The following GUSB variants were observed in gnomAD, a reference collection of about 807,000 sequenced individuals.
GUSB encodes beta-glucuronidase.
In GUSB, 51 loss-of-function variants were observed where a neutral mutation model predicts 74.6. The ratio of observed to expected loss-of-function variants is 0.68; its 90% confidence interval spans 0.55 to 0.86. The LOEUF (loss-of-function observed/expected upper bound fraction) is 0.86, where lower values mean the gene tolerates loss of function less well. GUSB is among the 40% of genes least tolerant of loss of function. The pLI is 0.00. For missense variants in GUSB, 736 were observed against 853.7 expected (o/e 0.86, Z 1.72); for synonymous variants, 360 against 348.3 (o/e 1.03, Z -0.37).
rs375342296 is a variant in GUSB at position 65,963,176 on chromosome 7, G to A, written c.1789+1147C>T. 6.7e-4 allele frequency among the ~76,000 whole-genome samples: 102 copies of A among 152,088 alleles called. 1 individual carries two copies. The highest frequency in any genetic ancestry group is 2.3e-3 in the African/African-American group (96 of 41,512). ...CCCAGCCTGCAGCTCATTTCTTACC[G>A]CATAAAGCCTCGCACCTCTCCACAA... On this transcript the variant is annotated intron_variant, in intron 11 of 11. Coordinates refer to ENST00000304895, the MANE Select transcript of GUSB (RefSeq NM_000181.4).
intron 4 of GUSB, 80 bp downstream of exon 4, chr7:65,979,319 T>C (rs1791818882): frequency 1.4e-6 from 2 of 1,398,098 alleles, no homozygotes; most frequent in Admixed American, 1.7e-5. Flanking sequence ...GAGCACCTTT[T>C]TCCTGGGAGA....
chr7:65,970,518 G>A (rs565355983), intron 8 of GUSB, 152 bp from the exon 9 acceptor site: 49 of 622,838 alleles, frequency 7.9e-5, no homozygotes, highest in African/African-American at 2.2e-4. Flanking sequence ...TTGGGAGGCC[G>A]AGGTGGGTGG....
chr7:65,974,686 C>G lies in GUSB; in HGVS notation c.1084G>C (p.Asp362His). The stretch of plus-strand genomic sequence containing the variant: ...AAGTCCTTCACCAGCAGCGGCCAGT[C>G]GAAGCCCTTCCCTCGGATCTAGGAG... ...EDADIRGKGF[D>H]WPLLVKDFNL... The change falls in exon 7 of 12, where the codon GAC (aspartate) becomes CAC (histidine). Residue 362 changes from aspartate to histidine, a missense_variant. This residue lies in a region of GUSB where 368 missense variants were observed against 489.9 expected (regional missense o/e 0.75). Transcript: ENST00000304895. 1 of 1,613,202 alleles carries G rather than the reference C, an allele frequency of 6.2e-7. No homozygotes were observed. The highest frequency in any genetic ancestry group is 8.5e-7 in the Non-Finnish European group (1 of 1,180,026).
chr7:65,975,691 A>AT (rs1791520286), intron 5 of GUSB: 1 of 247,318 alleles, frequency 4.0e-6, no homozygotes, highest in Non-Finnish European at 7.8e-6. Flanking sequence ...AGGCTACAAA[A>AT]TTTTTTTTAT....
At chr7:65,979,321 C>T (rs2116025462) in intron 4 of GUSB, 78 bp downstream of exon 4, 4 of 1,408,720 alleles carry the variant, frequency 2.8e-6, no homozygotes, top group East Asian at 4.6e-5. Flanking sequence ...GCACCTTTTT[C>T]CTGGGAGAGC....
intron 11 of GUSB, among the ~76,000 whole-genome samples, chr7:65,963,317 T>G (rs547719354): frequency 1.6e-4 from 24 of 152,316 alleles, no homozygotes; most frequent in African/African-American, 5.8e-4. Flanking sequence ...GTTCATTCAT[T>G]CATCCGTATT....
At position 65,976,133 on chromosome 7, in the gene GUSB, G is replaced by A; in HGVS notation, c.794C>T (p.Ala265Val). ...CCCATTCGCCACGACTTTGTTTTCT[G>A]CATCCAAAAGACGCACTTCCAACTT... is the stretch of plus-strand genomic sequence containing the variant. ...LFKLEVRLLDAENKVVANGTG... is the reference protein window; with the variant it reads ...LFKLEVRLLDVENKVVANGTG... Residue 265 changes from alanine (A) to valine (V), a missense_variant, in exon 5 of 12, where the codon GCA becomes GTA. Ala to Val is a moderately conservative substitution (Grantham distance 64). Transcript: ENST00000304895. 6.2e-7 allele frequency: 1 copy of A among 1,613,556 alleles called. No individual in the cohort carries two copies. Among genetic ancestry groups the A allele is most frequent in the Non-Finnish European group, 8.5e-7 (1 of 1,179,698 alleles).
rs1283983862 is a variant in GUSB, at chr7:65,960,811, G to C, written c.*86C>G. On this transcript the variant is annotated 3_prime_UTR_variant, in exon 12 of 12. Coordinates refer to ENST00000304895, the MANE Select transcript of GUSB (RefSeq NM_000181.4). ...GGCCAGAAACGTTCTGGTCTGCCGT[G>C]AACAGTCCAGGAGGCACTTGTTCTG... 6 of 1,112,582 alleles carry C rather than the reference G, an allele frequency of 5.4e-6. No individual in the cohort carries two copies. In the East Asian group the frequency reaches 1.4e-4, roughly 26 times the overall value. The allele number at this position is 1,112,582 out of a possible 1,614,324, so 68.9% of individuals were successfully genotyped here.
chr7:65,979,960 G>T, intron 2 of GUSB, 49 bp from the exon 3 acceptor site: 2 of 1,460,260 alleles, frequency 1.4e-6, no homozygotes. Flanking sequence ...AGGGCATGAG[G>T]AGGCGCCCTA....
intron 1 of GUSB, chr7:65,980,859 T>C (rs774017808): frequency 2.8e-5 from 7 of 249,190 alleles, no homozygotes; most frequent in Non-Finnish European, 5.6e-5. Context: ...TAAGAGGATG[T>C]AGACCAGGCA....
chr7:65,980,185 G>GCGCCCCCCCC, intron 2 of GUSB, 39 bp downstream of exon 2: 8 of 725,274 alleles, frequency 1.1e-5, no homozygotes, highest in South Asian at 3.0e-5. Flanking sequence ...CAGCAGCCGT[G>GCGCCCCCCCC]CCCCCCCACC....
At chr7:65,961,365 C>G (rs756328110) in intron 11 of GUSB, among the ~76,000 whole-genome samples, 1 of 152,122 alleles carries the variant, frequency 6.6e-6, no homozygotes, top group African/African-American at 2.4e-5. Context: ...AACTACTGGG[C>G]TCAAGCAATC....
intron 8 of GUSB, among the ~76,000 whole-genome samples, chr7:65,972,194 C>T (rs1791258067): frequency 6.6e-6 from 1 of 152,128 alleles, no homozygotes; most frequent in African/African-American, 2.4e-5. Flanking sequence ...CAGAATCTCA[C>T]TCTGTAGCCC....
intron 10 of GUSB, among the ~76,000 whole-genome samples, chr7:65,966,457 C>T (rs138150928): frequency 1.3e-5 from 2 of 151,926 alleles, no homozygotes; most frequent in East Asian, 3.9e-4. Flanking sequence ...GACAAACCAA[C>T]ATATCTTTGG....
chr7:65,963,175 C>T (rs938202900), intron 11 of GUSB, among the ~76,000 whole-genome samples: 6 of 152,070 alleles, frequency 3.9e-5, no homozygotes, highest in Middle Eastern at 3.4e-3. Context: ...CATTTCTTAC[C>T]GCATAAAGCC....
chr7:65,967,703 C>T lies in GUSB; in HGVS notation c.1653+28G>A, dbSNP rs756694911. 8 of 1,596,278 alleles carry T rather than the reference C, an allele frequency of 5.0e-6. No individual in the cohort carries two copies. In the African/African-American group the frequency reaches 8.0e-5, roughly 16 times the overall value. ...GTGACATCTCTGCCCTGAGAGAACA[C>T]ACAAGCAGAAAGCTCAACACTGCTT... On this transcript the variant is annotated intron_variant, in intron 10 of 11. Coordinates refer to ENST00000304895, the MANE Select transcript of GUSB (RefSeq NM_000181.4).
intron 1 of GUSB, among the ~76,000 whole-genome samples, chr7:65,981,343 T>A (rs1444607885): frequency 6.6e-6 from 1 of 151,616 alleles, no homozygotes; most frequent in Non-Finnish European, 1.5e-5. Flanking sequence ...GCAATTCTCC[T>A]GACTCAGCCT....
At chr7:65,964,844 G>A (rs966464603) in intron 10 of GUSB, among the ~76,000 whole-genome samples, 1 of 152,130 alleles carries the variant, frequency 6.6e-6, no homozygotes, top group African/African-American at 2.4e-5. Context: ...TGAGGTGGGA[G>A]GACTGCTTGA....
At chr7:65,981,440 T>C (rs1185846249) in intron 1 of GUSB, among the ~76,000 whole-genome samples, 2 of 152,032 alleles carry the variant, frequency 1.3e-5, no homozygotes, top group African/African-American at 4.8e-5. Context: ...CCCTGTTATG[T>C]TGGCCAGCCT....
Sources: allele counts gnomAD v4.1 joint callset (sites outside exome capture counted in the v4.1 genomes callset), GRCh38; gene constraint gnomAD v4.1.1; regional missense constraint gnomAD v4.1.1; transcripts MANE v1.5; gene names NCBI Gene and HGNC (gene_info 2026-07-23, HGNC 2026-07-21).